DHX58: variants seen among roughly 807,000 people sequenced by gnomAD.
DHX58 encodes ATP-dependent RNA helicase DHX58.
In DHX58, 51 loss-of-function variants were observed where a neutral mutation model predicts 65.0. The observed-to-expected ratio is 0.78, with a 90% CI of 0.63 to 0.99. The LOEUF is 0.99. DHX58 is among the 50% of genes least tolerant of loss of function. The probability of loss-of-function intolerance (pLI) is 0.00; values close to 1 mark genes in which losing one functional copy is unlikely to be tolerated. For synonymous variants in DHX58, 350 were observed against 365.0 expected (o/e 0.96, Z 0.47); for missense variants, 773 against 891.8 (o/e 0.87, Z 1.70).
In DHX58 at chr17:42,105,931, C is replaced by T; in HGVS notation, c.1056G>A (p.Glu352=). The T allele has an allele frequency of 6.2e-7, 1 of 1,613,850 alleles. No homozygotes were observed. Among genetic ancestry groups the T allele is most frequent in the South Asian group, 1.1e-5 (1 of 91,080 alleles). Reference sequence around the variant, plus strand: ...GCCTTTGCAGGATCTTTTCCAGCATCTCCAGTTTTGGATTCTCTGGGCCAT... The same window carrying T: ...GCCTTTGCAGGATCTTTTCCAGCATTTCCAGTTTTGGATTCTCTGGGCCAT... The part of the protein sequence containing the change: ...ATHGPENPKL[E]MLEKILQRQF... The change falls in exon 9 of 14, where the codon GAG becomes GAA. Residue 352 remains glutamate (E), a synonymous_variant. Coordinates refer to ENST00000251642, the MANE Select transcript of DHX58 (RefSeq NM_024119.3).
rs144023244 is a variant in DHX58 at position 42,110,749 on chromosome 17, C to T, written c.535G>A (p.Asp179Asn). 1,054 of 1,609,954 alleles carry T rather than the reference C, an allele frequency of 6.5e-4. No individual in the cohort carries two copies. The highest frequency in any genetic ancestry group is 8.1e-4 in the Non-Finnish European group (954 of 1,177,882). Residue 179 changes from aspartate to asparagine, a missense_variant, in exon 5 of 14, where the codon GAT (aspartate) becomes AAT (asparagine). Physicochemically the swap from Asp to Asn is conservative, Grantham distance 23. Coordinates refer to ENST00000251642, the MANE Select transcript of DHX58 (RefSeq NM_024119.3). ...SPGTGGASKL[D>N]GAINHVLQLC... ...TGCAGGACGTGGTTGATGGCCCCATCGAGTTTGGAGGCCCCGCCAGTGCCT... is the reference window on the plus strand; with the variant it reads ...TGCAGGACGTGGTTGATGGCCCCATTGAGTTTGGAGGCCCCGCCAGTGCCT...
intron 11 of DHX58, 49 bp from the exon 12 acceptor site, chr17:42,103,847 C>T (rs1555662041): frequency 6.4e-7 from 1 of 1,559,266 alleles, no homozygotes; most frequent in Admixed American, 1.9e-5. Context: ...AGAGAACGTT[C>T]CTTGGGGGAC....
chr17:42,112,519 G>T (rs917492407), intron 1 of DHX58, 86 bp downstream of exon 1: 125 of 151,204 alleles, frequency 8.3e-4, no homozygotes, highest in Middle Eastern at 3.4e-3. Flanking sequence ...AGGGAGGTGG[G>T]GGGGGGGACA....
intron 6 of DHX58, among the ~76,000 whole-genome samples, chr17:42,108,936 C>T (rs1460949477): frequency 6.6e-6 from 1 of 152,258 alleles, no homozygotes; most frequent in Non-Finnish European, 1.5e-5. Flanking sequence ...TAGTCCTTGT[C>T]CAGTCCAGTC....
rs782773985 is a variant in DHX58 at position 42,110,714 on chromosome 17, C to T, written c.561+9G>A. ...CTGGCAGTGGGAGGCCCACAGGGGCCAGGCTGACCTGCAGGACGTGGTTGA... is the reference window on the plus strand; with the variant it reads ...CTGGCAGTGGGAGGCCCACAGGGGCTAGGCTGACCTGCAGGACGTGGTTGA... On this transcript the variant is annotated intron_variant, in intron 5 of 13. Transcript: ENST00000251642. 6.4e-5 allele frequency: 102 copies of T among 1,587,660 alleles called. No homozygotes were observed. The East Asian group carries it at 2.3e-3, about 35-fold the overall frequency.
At chr17:42,107,960 C>G in intron 7 of DHX58, 22 bp downstream of exon 7, 3 of 1,613,862 alleles carry the variant, frequency 1.9e-6, no homozygotes, top group Non-Finnish European at 2.5e-6. Context: ...CTCGCCTCCG[C>G]CAGAAGGGCT....
In DHX58 at chr17:42,104,898, ACT is replaced by A. The variant is rs575525486; in HGVS notation, c.1429_1430del (p.Ser477CysfsTer8). On this transcript the variant is annotated frameshift_variant, in exon 11 of 14. Transcript: ENST00000251642. LOFTEE classifies it high-confidence loss of function. ...QARGRARADQ[S>X]VYAFVATEGS... Reference sequence around the variant, plus strand: ...CTTCAGTTGCTACAAACGCGTATACACTCTGATCGGCCCGGGCACGGCCCCTG... The same window carrying A: ...CTTCAGTTGCTACAAACGCGTATACACTGATCGGCCCGGGCACGGCCCCTG... 2.1e-4 allele frequency: 345 copies of A among 1,613,858 alleles called. 3 individuals carry two copies. In the South Asian group the frequency reaches 3.1e-3, roughly 14 times the overall value.
chr17:42,109,513 GC>G, intron 5 of DHX58, 127 bp from the exon 6 acceptor site: 1 of 735,138 alleles, frequency 1.4e-6, no homozygotes, highest in Non-Finnish European at 2.2e-6. Flanking sequence ...AATATTGCTC[GC>G]CCTCTCTGTG....
At chr17:42,109,520 C>A in intron 5 of DHX58, 134 bp from the exon 6 acceptor site, 1 of 684,302 alleles carries the variant, frequency 1.5e-6, no homozygotes. Flanking sequence ...CTCGCCCTCT[C>A]TGTGCCCGTC....
intron 12 of DHX58, 120 bp downstream of exon 12, chr17:42,103,488 T>G: frequency 7.9e-7 from 1 of 1,272,112 alleles, no homozygotes; most frequent in Non-Finnish European, 1.1e-6. Context: ...CTAACCAGAT[T>G]ATTGTGAAAA....
rs1555662339 is a variant in DHX58 at position 42,105,119 on chromosome 17, G to A, written c.1300C>T (p.Leu434Phe). 2 of 1,613,996 alleles carry A rather than the reference G, an allele frequency of 1.2e-6. No individual in the cohort carries two copies. The highest frequency in any genetic ancestry group is 1.7e-4 in the Middle Eastern group (1 of 6,056). Reference protein sequence around the residue: ...IQKFQDGTLNLLVATSVAEEG... With the variant: ...IQKFQDGTLNFLVATSVAEEG... ...TCCGCCACACTCGTGGCCACCAGAAGGTTCAGGGTTCCATCTTGGAACTTC... is the reference window on the plus strand; with the variant it reads ...TCCGCCACACTCGTGGCCACCAGAAAGTTCAGGGTTCCATCTTGGAACTTC... Residue 434 changes from leucine to phenylalanine, a missense_variant, in exon 10 of 14, where the codon CTT becomes TTT. Coordinates refer to ENST00000251642, the MANE Select transcript of DHX58 (RefSeq NM_024119.3).
chr17:42,104,480 G>C (rs2074159), intron 11 of DHX58, among the ~76,000 whole-genome samples: 29,517 of 152,082 alleles, frequency 0.19, 3,897 homozygotes, highest in African/African-American at 0.38. Flanking sequence ...CCCTCTGCCT[G>C]GTTCCAGAAA....
chr17:42,105,565 T>A (rs1371412104), intron 9 of DHX58, among the ~76,000 whole-genome samples, 171 bp downstream of exon 9: 2 of 150,964 alleles, frequency 1.3e-5, no homozygotes, highest in Non-Finnish European at 2.9e-5. Flanking sequence ...ACTGGGGAGG[T>A]CAGTGTCCGC....
chr17:42,106,424 G>A (rs1000435390), intron 8 of DHX58, among the ~76,000 whole-genome samples: 11 of 124,140 alleles, frequency 8.9e-5, no homozygotes, highest in Admixed American at 1.8e-4. Context: ...GACTGTAGGC[G>A]TGCAGAAGGT....
In DHX58 at chr17:42,112,104, A is replaced by C; in HGVS notation, c.-2+9T>G. On this transcript the variant is annotated intron_variant, in intron 2 of 13. Transcript: ENST00000251642. ...GCTACACCTGCCCCCTGCCCAGCCC[A>C]GGACTCACCTGCTCTAGTAGGTAGG... The C allele has an allele frequency of 1.7e-6, 1 of 572,136 alleles. No homozygotes were observed. Among genetic ancestry groups the C allele is most frequent in the African/African-American group, 1.9e-5 (1 of 53,218 alleles). 35.4% of individuals were successfully genotyped at this position (572,136 alleles called of 1,614,324 possible).
intron 11 of DHX58, among the ~76,000 whole-genome samples, chr17:42,104,481 G>A (rs1175378629): frequency 6.6e-6 from 1 of 152,144 alleles, no homozygotes; most frequent in Non-Finnish European, 1.5e-5. Context: ...CCTCTGCCTG[G>A]TTCCAGAAAG....
At chr17:42,106,169 A>AAAAGAAAGC (rs1555662631) in intron 8 of DHX58, among the ~76,000 whole-genome samples, 180 bp from the exon 9 acceptor site, 8 of 151,604 alleles carry the variant, frequency 5.3e-5, no homozygotes, top group Admixed American at 2.0e-4. Flanking sequence ...GGAAAAAAAA[A>AAAAGAAAGC]AAGAAAGCAA....
In DHX58 at chr17:42,110,812, G is replaced by A. The variant is rs148863728; in HGVS notation, c.472C>T (p.Gln158Ter). 1.8e-4 allele frequency: 291 copies of A among 1,614,004 alleles called. 1 individual carries two copies. In the African/African-American group the frequency reaches 3.6e-3, roughly 20 times the overall value. Residue 158 changes from glutamine (Q) to a stop codon, truncating the protein, a stop_gained, in exon 5 of 14, where the codon CAG becomes TAG. Coordinates refer to ENST00000251642, the MANE Select transcript of DHX58 (RefSeq NM_024119.3). LOFTEE classifies it high-confidence loss of function. The part of the protein sequence containing the change: ...QYLELKLQRA[Q>*]PLPQVLGLTA... ...AGACCCAGCACCTGGGGTAGCGGCT[G>A]TGCCCTCTGGAGTTTAAGTTCTAGG...
At chr17:42,109,528 G>A (rs909688249) in intron 5 of DHX58, 142 bp from the exon 6 acceptor site, 7 of 649,148 alleles carry the variant, frequency 1.1e-5, no homozygotes, top group Admixed American at 8.6e-5. Context: ...CTCTGTGCCC[G>A]TCTTGTTCTA....
Sources: gnomAD v4.1 joint callset for allele counts (sites outside exome capture counted in the v4.1 genomes callset) on GRCh38, gnomAD v4.1.1 for gene constraint, MANE v1.5 for transcripts, NCBI Gene and HGNC (gene_info 2026-07-23, HGNC 2026-07-21) for gene names.